CLEC16A: variants seen among roughly 807,000 people sequenced by gnomAD.
CLEC16A encodes C-type lectin domain containing 16A, also known as protein CLEC16A.
In CLEC16A, 51 loss-of-function variants were observed where a neutral mutation model predicts 109.5. The ratio of observed to expected loss-of-function variants is 0.47; its 90% CI spans 0.37 to 0.59. CLEC16A has a LOEUF of 0.59. CLEC16A is among the 20% of genes least tolerant of loss of function. The probability of loss-of-function intolerance (pLI) is 0.00; values close to 1 mark genes in which losing one functional copy is unlikely to be tolerated. For missense variants in CLEC16A, 1,339 were observed against 1,394.0 expected, an observed-to-expected ratio of 0.96 and a Z score of 0.63; for synonymous variants, 673 against 564.2, an observed-to-expected ratio of 1.19 and a Z score of -2.73.
At chr16:11,130,277 G>C (rs951384896) in intron 22 of CLEC16A, among the ~76,000 whole-genome samples, 2 of 152,198 alleles carry the variant, frequency 1.3e-5, no homozygotes, top group Non-Finnish European at 2.9e-5. Context: ...CCTTGGAACA[G>C]AGCCCATCAA....
Position 10,944,706 on chromosome 16 carries a change from G to A in CLEC16A, c.-12G>A, listed in dbSNP as rs776005455. ...GAGACCGTGAGACGAGAGACGGGTCGGGGCCGCCGACATGTTTGGCCGCTC... is the reference window on the plus strand; with the variant it reads ...GAGACCGTGAGACGAGAGACGGGTCAGGGCCGCCGACATGTTTGGCCGCTC... On this transcript the variant is annotated 5_prime_UTR_variant, in exon 1 of 24. Coordinates refer to ENST00000409790, the MANE Select transcript of CLEC16A (RefSeq NM_015226.3). 1 of 1,600,522 alleles carries A rather than the reference G, an allele frequency of 6.2e-7. No homozygotes were observed.
chr16:10,982,194 A>T (rs2043359724), intron 9 of CLEC16A, among the ~76,000 whole-genome samples: 1 of 152,158 alleles, frequency 6.6e-6, no homozygotes, highest in Non-Finnish European at 1.5e-5. Flanking sequence ...CTGATTCTTA[A>T]AGCTGGTCCT....
At chr16:11,088,599 G>A (rs778380359) in intron 19 of CLEC16A, among the ~76,000 whole-genome samples, 4 of 152,230 alleles carry the variant, frequency 2.6e-5, no homozygotes, top group Non-Finnish European at 5.9e-5. Context: ...GCCTCGGGCA[G>A]GAAGTGCACC....
intron 13 of CLEC16A, among the ~76,000 whole-genome samples, chr16:11,036,544 CTTT>C (rs71404440): frequency 1.5e-5 from 2 of 131,898 alleles, no homozygotes; most frequent in African/African-American, 2.9e-5. Flanking sequence ...TCTAATTTTC[CTTT>C]TTTTTTTTTT....
chr16:11,054,764 C>T (rs2048122013), intron 18 of CLEC16A, among the ~76,000 whole-genome samples: 2 of 152,192 alleles, frequency 1.3e-5, no homozygotes, highest in Non-Finnish European at 2.9e-5. Flanking sequence ...AAGCTTAGCT[C>T]TTCAAGCCCA....
At position 11,174,044 on chromosome 16, in the gene CLEC16A, G is replaced by A. The variant is rs1393273933; in HGVS notation, c.2807-4291G>A. ...TGCTGGGCACTGCCCCACGACCCTC[G>A]CCCCTCGTCAGTGCTCAGCGTCCGC... On this transcript the variant is annotated intron_variant, in intron 23 of 23. Coordinates refer to ENST00000409790, the MANE Select transcript of CLEC16A (RefSeq NM_015226.3). The surrounding 1 kb of genome is among the most constrained non-coding windows in gnomAD (Gnocchi z 4.7). 13 of 383,618 alleles carry A rather than the reference G, an allele frequency of 3.4e-5. No individual in the cohort carries two copies. Among genetic ancestry groups the A allele is most frequent in the South Asian group, 1.9e-4 (10 of 53,382 alleles). The allele number at this position is 383,618 out of a possible 1,614,324, so 23.8% of individuals were successfully genotyped here.
intron 19 of CLEC16A, among the ~76,000 whole-genome samples, chr16:11,068,963 T>G (rs2152922111): frequency 6.6e-6 from 1 of 151,332 alleles, no homozygotes; most frequent in South Asian, 2.1e-4. Context: ...TACAGGTGCA[T>G]GCCATCACGC....
chr16:11,179,613 G>C lies in CLEC16A; in HGVS notation c.*923G>C, dbSNP rs1443510904. ...GAGACAGCTTCCAGCACCTTCTTCAGTGTTACCATCTCTAAGAAGGAACCA... is the reference window on the plus strand; with the variant it reads ...GAGACAGCTTCCAGCACCTTCTTCACTGTTACCATCTCTAAGAAGGAACCA... On this transcript the variant is annotated 3_prime_UTR_variant, in exon 24 of 24. Transcript: ENST00000409790. 6.6e-6 allele frequency: 1 copy of C among 152,220 alleles called. No individual in the cohort carries two copies. The highest frequency in any genetic ancestry group is 1.5e-5 in the Non-Finnish European group (1 of 68,052). The allele number at this position is 152,220 out of a possible 1,614,324, so 9.4% of individuals were successfully genotyped here. A position where few individuals can be genotyped will look rare whatever the true frequency, so the allele number is the denominator to read the frequency against.
chr16:11,042,958 A>G lies in CLEC16A; in HGVS notation c.1770+595A>G, dbSNP rs550299674. On this transcript the variant is annotated intron_variant, in intron 15 of 23. Coordinates refer to ENST00000409790, the MANE Select transcript of CLEC16A (RefSeq NM_015226.3). Reference sequence around the variant, plus strand: ...ATACAATATGTAAATATTATACACTACGTATATTTACATATGTAATATGTA... The same window carrying G: ...ATACAATATGTAAATATTATACACTGCGTATATTTACATATGTAATATGTA... Among the ~76,000 whole-genome samples the G allele has an allele frequency of 6.0e-5, 9 of 150,994 alleles. No homozygotes were observed. The South Asian group carries it at 8.3e-4, about 14-fold the overall frequency.
At chr16:11,050,549 G>A (rs929502426) in intron 17 of CLEC16A, among the ~76,000 whole-genome samples, 2 of 152,232 alleles carry the variant, frequency 1.3e-5, no homozygotes, top group African/African-American at 4.8e-5. Context: ...GAAATGAAAT[G>A]TTAGTGTTCA....
chr16:11,031,499 A>T (rs969088164), intron 13 of CLEC16A, among the ~76,000 whole-genome samples: 2 of 152,186 alleles, frequency 1.3e-5, no homozygotes, highest in Non-Finnish European at 2.9e-5. Flanking sequence ...TTTCTTGGGA[A>T]TTTCTTCTTG....
At chr16:11,062,454 A>G (rs1332020235) in intron 19 of CLEC16A, among the ~76,000 whole-genome samples, 3 of 152,228 alleles carry the variant, frequency 2.0e-5, no homozygotes, top group African/African-American at 7.2e-5. Context: ...CGTCTCCTGT[A>G]AAACGAGATG....
intron 1 of CLEC16A, among the ~76,000 whole-genome samples, chr16:10,957,344 G>A (rs971535519): frequency 6.6e-6 from 1 of 152,238 alleles, no homozygotes; most frequent in African/African-American, 2.4e-5. Context: ...CAGGCCCCGT[G>A]TTAGGCATCC....
At chr16:11,062,754 C>G (rs144051507) in intron 19 of CLEC16A, among the ~76,000 whole-genome samples, 14 of 152,248 alleles carry the variant, frequency 9.2e-5, no homozygotes, top group Non-Finnish European at 1.6e-4. Flanking sequence ...TGCCTGCTGC[C>G]CAACTCCTTT....
At chr16:11,022,178 C>G (rs1371004221) in intron 12 of CLEC16A, among the ~76,000 whole-genome samples, 1 of 152,084 alleles carries the variant, frequency 6.6e-6, no homozygotes, top group African/African-American at 2.4e-5. Flanking sequence ...TTCTGCTAGA[C>G]TGTGAGACTG....
chr16:11,158,406 G>A (rs1384055907), intron 22 of CLEC16A, among the ~76,000 whole-genome samples: 1 of 152,172 alleles, frequency 6.6e-6, no homozygotes, highest in African/African-American at 2.4e-5. Flanking sequence ...TTTGCAATCT[G>A]CAACAACCAT....
chr16:10,984,303 C>T (rs2043496596), intron 10 of CLEC16A, among the ~76,000 whole-genome samples: 1 of 152,176 alleles, frequency 6.6e-6, no homozygotes, highest in Admixed American at 6.5e-5. Context: ...TGAAAAGCTT[C>T]CCAGAAACTC....
intron 20 of CLEC16A, among the ~76,000 whole-genome samples, chr16:11,121,653 G>A (rs2052418348): frequency 6.6e-6 from 1 of 151,710 alleles, no homozygotes; most frequent in Admixed American, 6.6e-5. Flanking sequence ...GCCAAGTCAG[G>A]TGGATCACTT....
intron 10 of CLEC16A, among the ~76,000 whole-genome samples, chr16:11,002,608 G>A (rs143283220): frequency 2.6e-5 from 4 of 152,118 alleles, no homozygotes; most frequent in Non-Finnish European, 4.4e-5. Flanking sequence ...GGAGTAATGC[G>A]CACTGGACCC....
Sources: gnomAD v4.1 joint callset for allele counts (sites outside exome capture counted in the v4.1 genomes callset) on GRCh38, gnomAD v4.1.1 for gene constraint, Gnocchi (gnomAD v3.1) non-coding constraint, MANE v1.5 for transcripts, NCBI Gene and HGNC (gene_info 2026-07-23, HGNC 2026-07-21) for gene names.